IFT140: variants seen among roughly 807,000 people sequenced by gnomAD.
IFT140 encodes the protein intraflagellar transport protein 140 homolog.
IFT140 carries 133 observed loss-of-function variants against 164.6 expected under a neutral mutation model. The ratio of observed to expected loss-of-function variants is 0.81; its 90% CI spans 0.70 to 0.93. The LOEUF is 0.93. Among genes scored for constraint, IFT140 ranks in the 40% least tolerant of loss-of-function variants. IFT140 has a pLI of 0.00. For missense variants in IFT140, 2,045 were observed against 1,972.3 expected, an observed-to-expected ratio of 1.04 and a Z score of -0.70; for synonymous variants, 860 against 817.3, an observed-to-expected ratio of 1.05 and a Z score of -0.89.
intron 30 of IFT140, chr16:1,514,353 G>A (rs1468141287): frequency 6.6e-6 from 1 of 151,380 alleles, no homozygotes; most frequent in Non-Finnish European, 1.5e-5. Context: ...CTGGGCGATA[G>A]AGCGACACTC....
In IFT140 at chr16:1,584,141, C is replaced by T. The variant is rs2034734257; in HGVS notation, c.1359+76G>A. The T allele has an allele frequency of 5.1e-6, 7 of 1,361,072 alleles. No homozygotes were observed. The East Asian group carries it at 1.5e-4, about 29-fold the overall frequency. 84.3% of individuals were successfully genotyped at this position (1,361,072 alleles called of 1,614,324 possible). A position where few individuals can be genotyped will look rare whatever the true frequency, so the allele number is the denominator to read the frequency against. Reference sequence around the variant, plus strand: ...GTGGCCTAACCTGCCATCTGGGGCCCTTGCTGCCCTGAACTACCTGGCCAT... The same window carrying T: ...GTGGCCTAACCTGCCATCTGGGGCCTTTGCTGCCCTGAACTACCTGGCCAT... On this transcript the variant is annotated intron_variant, in intron 11 of 30. Coordinates refer to ENST00000426508, the MANE Select transcript of IFT140 (RefSeq NM_014714.4).
At chr16:1,572,894 C>T (rs1350004055) in intron 13 of IFT140, among the ~76,000 whole-genome samples, 2 of 152,206 alleles carry the variant, frequency 1.3e-5, no homozygotes, top group Non-Finnish European at 2.9e-5. Flanking sequence ...GGCAGCGAGT[C>T]AGATGCGAAC....
chr16:1,588,046 C>A, intron 7 of IFT140, 22 bp from the exon 8 acceptor site: 1 of 1,609,074 alleles, frequency 6.2e-7, no homozygotes, highest in South Asian at 1.1e-5. Flanking sequence ...AACAACCGAG[C>A]AGAGGCACCG....
chr16:1,536,966 G>T (rs921776682), intron 19 of IFT140, among the ~76,000 whole-genome samples: 1 of 152,220 alleles, frequency 6.6e-6, no homozygotes, highest in Non-Finnish European at 1.5e-5. Flanking sequence ...TGTGACCTAG[G>T]CAGGCCTGGG....
At chr16:1,562,173 G>C in intron 17 of IFT140, 57 bp from the exon 18 acceptor site, 1 of 1,473,968 alleles carries the variant, frequency 6.8e-7, no homozygotes, top group Non-Finnish European at 9.1e-7. Context: ...ATAAATTTCT[G>C]GGGTATGAGT....
At chr16:1,562,358 A>C (rs1341637874) in intron 17 of IFT140, among the ~76,000 whole-genome samples, 2 of 152,140 alleles carry the variant, frequency 1.3e-5, no homozygotes, top group East Asian at 3.9e-4. Context: ...GACTCTCCCA[A>C]GTGACTGATT....
In IFT140 at chr16:1,556,956, C is replaced by T. The variant is rs1322044005; in HGVS notation, c.2399+979G>A. ...TTCTGAGTAGCTGGGACTTCAGGAACGCACCACAACTGCCTGGCTAGTTTT... is the reference window on the plus strand; with the variant it reads ...TTCTGAGTAGCTGGGACTTCAGGAATGCACCACAACTGCCTGGCTAGTTTT... On this transcript the variant is annotated intron_variant, in intron 19 of 30. Transcript: ENST00000426508. Among the ~76,000 whole-genome samples, 7 of 152,188 alleles carry T rather than the reference C, an allele frequency of 4.6e-5. No individual in the cohort carries two copies. In the East Asian group the frequency reaches 9.7e-4, roughly 21 times the overall value.
intron 13 of IFT140, among the ~76,000 whole-genome samples, chr16:1,575,345 A>T (rs2034221640): frequency 6.6e-6 from 1 of 151,926 alleles, no homozygotes; most frequent in East Asian, 1.9e-4. Flanking sequence ...ACTGCACTCT[A>T]GCCTGGGCGA....
chr16:1,562,184 G>A, intron 17 of IFT140, 68 bp from the exon 18 acceptor site: 5 of 1,393,128 alleles, frequency 3.6e-6, no homozygotes, highest in Non-Finnish European at 4.8e-6. Flanking sequence ...GGGTATGAGT[G>A]CCATTTTGCT....
At chr16:1,537,945 A>AC (rs2031239290) in intron 19 of IFT140, among the ~76,000 whole-genome samples, 1 of 151,964 alleles carries the variant, frequency 6.6e-6, no homozygotes, top group Admixed American at 6.6e-5. Flanking sequence ...CCCGGGCTTC[A>AC]CCCCCTGCTC....
At chr16:1,586,930 C>A (rs2034917406) in intron 9 of IFT140, among the ~76,000 whole-genome samples, 1 of 152,202 alleles carries the variant, frequency 6.6e-6, no homozygotes, top group African/African-American at 2.4e-5. Context: ...TGGTCTTGAA[C>A]TCCTGGGCTC....
intron 19 of IFT140, chr16:1,534,334 TCAA>T: frequency 6.2e-7 from 1 of 1,612,828 alleles, no homozygotes; most frequent in Non-Finnish European, 8.5e-7. Context: ...TCACTCATCC[TCAA>T]CAACGTGGCG....
In IFT140 at chr16:1,551,588, A is replaced by G. The variant is rs1168810932; in HGVS notation, c.2399+6347T>C. 6.6e-6 allele frequency among the ~76,000 whole-genome samples: 1 copy of G among 152,184 alleles called. No homozygotes were observed. Among genetic ancestry groups the G allele is most frequent in the Non-Finnish European group, 1.5e-5 (1 of 68,028 alleles). On this transcript the variant is annotated intron_variant, in intron 19 of 30. Transcript: ENST00000426508. The surrounding 1 kb of genome is among the most constrained non-coding windows in gnomAD (Gnocchi z 4.0). The stretch of plus-strand genomic sequence containing the variant: ...TGGAGGGAGGGCCGCCTGCATCAGT[A>G]TCCCCAGCAAGGTCACCCGGCACTG...
chr16:1,525,296 C>T lies in IFT140; in HGVS notation c.2799G>A (p.Glu933=), dbSNP rs1268914244. The T allele has an allele frequency of 1.1e-5, 18 of 1,612,770 alleles. No individual in the cohort carries two copies. The highest frequency in any genetic ancestry group is 1.5e-5 in the Non-Finnish European group (18 of 1,179,950). The change falls in exon 22 of 31, where the codon GAG becomes GAA. Residue 933 remains glutamate, a synonymous_variant. Transcript: ENST00000426508. The part of the protein sequence containing the change: ...YYEKSDTHRF[E]VPRMLSEDLP... ...GGTCCTCCGACAGCATCCTGGGCAC[C>T]TCGAAGCGGTGCGTGTCCGACTTCT...
chr16:1,521,861 GA>G (rs111953232), intron 26 of IFT140, among the ~76,000 whole-genome samples: 1 of 107,742 alleles, frequency 9.3e-6, no homozygotes. Context: ...ATCTCCACAA[GA>G]AAAAAAAACA....
At chr16:1,540,544 C>A (rs1018830211) in intron 19 of IFT140, among the ~76,000 whole-genome samples, 1 of 152,314 alleles carries the variant, frequency 6.6e-6, no homozygotes, top group Non-Finnish European at 1.5e-5. Flanking sequence ...AGCAGTCACC[C>A]TAGAGGCCAG....
At chr16:1,534,586 GCGTGGC>G (rs1157628160) in intron 19 of IFT140, 11 of 1,596,898 alleles carry the variant, frequency 6.9e-6, no homozygotes, top group Admixed American at 3.3e-5. Flanking sequence ...GATGCCTTCA[GCGTGGC>G]CGAGGCTCGA....
Position 1,602,357 on chromosome 16 carries a change from C to A in IFT140, c.369+13G>T. The A allele has an allele frequency of 6.2e-7, 1 of 1,609,562 alleles. No homozygotes were observed. Among genetic ancestry groups the A allele is most frequent in the Non-Finnish European group, 8.5e-7 (1 of 1,175,906 alleles). ...CAAGGTCTGAAAACAGCGTCTTGCG[C>A]GTGTTGACTCACCCTGTCCCCAGAC... On this transcript the variant is annotated intron_variant, in intron 4 of 30. Coordinates refer to ENST00000426508, the MANE Select transcript of IFT140 (RefSeq NM_014714.4).
chr16:1,604,318 G>GTGTGCGT, intron 3 of IFT140: 1 of 67,312 alleles, frequency 1.5e-5, no homozygotes, highest in South Asian at 4.0e-4. Context: ...TGTGTGTGTG[G>GTGTGCGT]AGGGGGGAGC....
Sources: gnomAD v4.1 joint callset for allele counts (sites outside exome capture counted in the v4.1 genomes callset) on GRCh38, gnomAD v4.1.1 for gene constraint, Gnocchi (gnomAD v3.1) non-coding constraint, MANE v1.5 for transcripts, NCBI Gene and HGNC (gene_info 2026-07-23, HGNC 2026-07-21) for gene names.